GALNT17: variants seen among roughly 807,000 people sequenced by gnomAD.
GALNT17 encodes polypeptide N-acetylgalactosaminyltransferase 17, also known as UDP-GalNAc:polypeptide N-acetylgalactosaminyltransferase-like 3.
Under a neutral mutation model 63.7 loss-of-function variants are expected in GALNT17, and 29 were observed. The observed-to-expected ratio is 0.46, with a 90% CI of 0.34 to 0.62. The LOEUF is 0.62. GALNT17 is among the 20% of genes least tolerant of loss of function. The pLI is 0.01. For synonymous variants in GALNT17, 305 were observed against 318.3 expected, an observed-to-expected ratio of 0.96 and a Z score of 0.45; for missense variants, 603 against 799.6, an observed-to-expected ratio of 0.75 and a Z score of 2.97.
chr7:71,628,624 A>C (rs1015752122), intron 6 of GALNT17, among the ~76,000 whole-genome samples: 1 of 152,082 alleles, frequency 6.6e-6, no homozygotes, highest in African/African-American at 2.4e-5. Flanking sequence ...TGCCCAGCCA[A>C]TGTTTTTAAA....
At chr7:71,606,943 A>G (rs1287731580) in intron 6 of GALNT17, among the ~76,000 whole-genome samples, 1 of 152,214 alleles carries the variant, frequency 6.6e-6, no homozygotes, top group African/African-American at 2.4e-5. Flanking sequence ...AAAGCTACAC[A>G]GTAATTTGGT....
Position 71,335,714 on chromosome 7 carries a change from C to T in GALNT17, c.403C>T (p.Pro135Ser). 6.2e-7 allele frequency: 1 copy of T among 1,603,846 alleles called. No individual in the cohort carries two copies. The highest frequency in any genetic ancestry group is 1.7e-5 in the Admixed American group (1 of 58,340). ...SEKISLDRSIPDYRPTKCKEL... is the reference protein window; with the variant it reads ...SEKISLDRSISDYRPTKCKEL... ...AAAAATTTCACTGGACCGTTCCATTCCGGATTATCGTCCCACCAAGTAAGT... is the reference window on the plus strand; with the variant it reads ...AAAAATTTCACTGGACCGTTCCATTTCGGATTATCGTCCCACCAAGTAAGT... The change falls in exon 2 of 11, where the codon CCG (proline) becomes TCG (serine). Residue 135 changes from proline (P) to serine (S), a missense_variant. Coordinates refer to ENST00000333538, the MANE Select transcript of GALNT17 (RefSeq NM_022479.3).
chr7:71,580,768 TGGA>T (rs1309257449), intron 6 of GALNT17, among the ~76,000 whole-genome samples: 1 of 151,946 alleles, frequency 6.6e-6, no homozygotes, highest in African/African-American at 2.4e-5. Flanking sequence ...GGAGCACTGT[TGGA>T]GGAGGTTTGG....
At chr7:71,565,569 T>A (rs896309302) in intron 5 of GALNT17, among the ~76,000 whole-genome samples, 7 of 141,208 alleles carry the variant, frequency 5.0e-5, no homozygotes, top group Non-Finnish European at 1.1e-4. Flanking sequence ...ATCATGGTGC[T>A]CTTCCCTACC....
At chr7:71,169,195 C>G (rs1788500797) in intron 1 of GALNT17, among the ~76,000 whole-genome samples, 1 of 152,140 alleles carries the variant, frequency 6.6e-6, no homozygotes, top group South Asian at 2.1e-4. Context: ...TAGGTTGTTG[C>G]AAAAGTAATT....
chr7:71,643,752 A>G (rs1261226661), intron 6 of GALNT17, among the ~76,000 whole-genome samples: 1 of 152,192 alleles, frequency 6.6e-6, no homozygotes, highest in African/African-American at 2.4e-5. Context: ...AACAGACCCC[A>G]GGCCTAGAAG....
chr7:71,240,669 TTTTTTCC>T (rs1339148200), intron 1 of GALNT17, among the ~76,000 whole-genome samples: 2 of 149,922 alleles, frequency 1.3e-5, no homozygotes, highest in Non-Finnish European at 3.0e-5. Flanking sequence ...TCTTTTTTCT[TTTTTTCC>T]TTTTTTTTGA....
chr7:71,711,694 C>T (rs1791795113), intron 10 of GALNT17, among the ~76,000 whole-genome samples: 2 of 105,350 alleles, frequency 1.9e-5, no homozygotes, highest in South Asian at 6.5e-4. Flanking sequence ...TCTCTATCTT[C>T]TCTCTTCTCT....
intron 6 of GALNT17, among the ~76,000 whole-genome samples, chr7:71,652,896 C>T (rs931841402): frequency 6.6e-6 from 1 of 152,154 alleles, no homozygotes; most frequent in African/African-American, 2.4e-5. Flanking sequence ...GCAATTGCAG[C>T]GAGAGAAAGT....
intron 2 of GALNT17, among the ~76,000 whole-genome samples, chr7:71,354,981 T>G (rs10224696): frequency 0.15 from 23,182 of 152,226 alleles, 2,534 homozygotes; most frequent in African/African-American, 0.32. Flanking sequence ...TTTATTTGTA[T>G]AGGGATCTGC....
intron 1 of GALNT17, among the ~76,000 whole-genome samples, chr7:71,329,947 ATATGTGTGTGTGTATATATATACG>A (rs1378727226): frequency 3.9e-4 from 30 of 77,074 alleles, no homozygotes; most frequent in African/African-American, 1.6e-3. Flanking sequence ...ATATACACAC[ATATGTGTGTGTGTATATATATACG>A]TATATGTGTG....
intron 6 of GALNT17, among the ~76,000 whole-genome samples, chr7:71,642,156 A>C (rs563848214): frequency 1.3e-5 from 2 of 152,090 alleles, no homozygotes; most frequent in African/African-American, 4.8e-5. Context: ...CCTCTCCCAA[A>C]TCTTGCATCT....
chr7:71,338,132 T>C (rs9986885), intron 2 of GALNT17, among the ~76,000 whole-genome samples: 98,836 of 151,302 alleles, frequency 0.65, 32,698 homozygotes, highest in African/African-American at 0.76. Flanking sequence ...TCGAGACCAT[T>C]CTGGCTAAGA....
chr7:71,514,462 A>G lies in GALNT17; in HGVS notation c.963-56823A>G, dbSNP rs150966279. Among the ~76,000 whole-genome samples, 192 of 152,098 alleles carry G rather than the reference A, an allele frequency of 1.3e-3. 2 individuals carry two copies. Among genetic ancestry groups the G allele is most frequent in the African/African-American group, 4.5e-3 (187 of 41,490 alleles). The stretch of plus-strand genomic sequence containing the variant: ...ACTGCTGTCCCCAGTGCCTTCCTTG[A>G]GATGTAGGCACTGAGTCCTGATGGA... On this transcript the variant is annotated intron_variant, in intron 5 of 10. Coordinates refer to ENST00000333538, the MANE Select transcript of GALNT17 (RefSeq NM_022479.3).
intron 1 of GALNT17, among the ~76,000 whole-genome samples, chr7:71,199,355 A>G (rs985727209): frequency 2.0e-5 from 3 of 152,184 alleles, no homozygotes; most frequent in African/African-American, 7.2e-5. Context: ...CCATTGGCAT[A>G]TGTAAGTGGT....
intron 6 of GALNT17, among the ~76,000 whole-genome samples, chr7:71,623,847 C>T (rs1790332811): frequency 1.3e-5 from 2 of 152,206 alleles, no homozygotes; most frequent in Admixed American, 1.3e-4. Flanking sequence ...CTGTCATCTG[C>T]ATTTCCACCA....
rs190592577 is a variant in GALNT17 at position 71,136,529 on chromosome 7, A to C, written c.238+3489A>C. On this transcript the variant is annotated intron_variant, in intron 1 of 10. Coordinates refer to ENST00000333538, the MANE Select transcript of GALNT17 (RefSeq NM_022479.3). ...TGAGATGGAGTCTCGCTGTGTCGCC[A>C]GGCTGGAGTGCAGTGGTGCGATCTC... is the stretch of plus-strand genomic sequence containing the variant. Among the ~76,000 whole-genome samples the C allele has an allele frequency of 6.2e-4, 94 of 151,836 alleles. 1 individual carries two copies. The highest frequency in any genetic ancestry group is 1.1e-3 in the Non-Finnish European group (74 of 67,952).
chr7:71,628,119 A>AG (rs1194481273), intron 6 of GALNT17, among the ~76,000 whole-genome samples: 6 of 152,160 alleles, frequency 3.9e-5, no homozygotes, highest in Non-Finnish European at 2.9e-5. Flanking sequence ...ATGAAAAAAA[A>AG]AGGCTGAGAG....
chr7:71,316,153 A>G (rs555935964), intron 1 of GALNT17, among the ~76,000 whole-genome samples: 5 of 133,176 alleles, frequency 3.8e-5, no homozygotes, highest in East Asian at 2.8e-4. Flanking sequence ...GCAGGAGCAA[A>G]GGGAGGAAGG....
Sources: gnomAD v4.1 joint callset for allele counts (sites outside exome capture counted in the v4.1 genomes callset) on GRCh38, gnomAD v4.1.1 for gene constraint, MANE v1.5 for transcripts, NCBI Gene and HGNC (gene_info 2026-07-23, HGNC 2026-07-21) for gene names.